Variants in CCDC73 observed in about 807,000 individuals in gnomAD.
CCDC73 encodes coiled-coil domain-containing protein 73.
Under a neutral mutation model 116.5 loss-of-function variants are expected in CCDC73, and 95 were observed. The observed-to-expected ratio is 0.82, with a 90% CI of 0.69 to 0.97. CCDC73 has a LOEUF of 0.97. CCDC73 is among the 50% of genes least tolerant of loss of function. CCDC73 has a pLI of 0.00. For missense variants in CCDC73, 1,066 were observed against 1,206.8 expected (o/e 0.88, Z 1.73); for synonymous variants, 398 against 401.3 (o/e 0.99, Z 0.10).
chr11:32,812,326 C>T, the CCDC73 span, among the ~76,000 whole-genome samples: 30 of 152,212 alleles, frequency 2.0e-4, no homozygotes, highest in Non-Finnish European at 4.0e-4. Context: ...TCGAAATCAG[C>T]CTGAGCAAAA....
chr11:32,622,537 C>T (rs1358579756), intron 14 of CCDC73, among the ~76,000 whole-genome samples: 1 of 151,704 alleles, frequency 6.6e-6, no homozygotes, highest in East Asian at 1.9e-4. Flanking sequence ...GGAGGGAGAG[C>T]ATCAGGACAA....
chr11:32,790,205 A>G (rs1389615641), intron 1 of CCDC73, among the ~76,000 whole-genome samples: 4 of 152,208 alleles, frequency 2.6e-5, no homozygotes, highest in African/African-American at 7.2e-5. Context: ...ATTCTGCTCT[A>G]TTATACCAAA....
chr11:32,768,312 G>C (rs1202354431), intron 1 of CCDC73, among the ~76,000 whole-genome samples: 1 of 152,104 alleles, frequency 6.6e-6, no homozygotes, highest in East Asian at 1.9e-4. Context: ...TCACACACCA[G>C]GGCCTGTCAT....
intron 1 of CCDC73, among the ~76,000 whole-genome samples, chr11:32,777,428 TAA>T (rs1169293252): frequency 3.9e-5 from 6 of 152,024 alleles, no homozygotes; most frequent in African/African-American, 7.2e-5. Flanking sequence ...CTTGAAGAAA[TAA>T]AAACCAGTTT....
intron 1 of CCDC73, among the ~76,000 whole-genome samples, chr11:32,781,923 C>T (rs747230808): frequency 6.6e-6 from 1 of 152,118 alleles, no homozygotes; most frequent in South Asian, 2.1e-4. Context: ...AGGAGGTGAG[C>T]GATGGCACGA....
the CCDC73 span, chr11:32,830,393 G>C: frequency 3.1e-6 from 3 of 958,618 alleles, no homozygotes; most frequent in East Asian, 3.2e-5. Flanking sequence ...ACCGCGCGCC[G>C]GGCGCTCTTG....
At chr11:32,749,304 A>G (rs993472687) in intron 2 of CCDC73, among the ~76,000 whole-genome samples, 1 of 151,936 alleles carries the variant, frequency 6.6e-6, no homozygotes, top group Non-Finnish European at 1.5e-5. Context: ...TTCTGCTATT[A>G]TGAGACTCTG....
intron 3 of CCDC73, among the ~76,000 whole-genome samples, chr11:32,709,713 A>T (rs924476960): frequency 1.3e-5 from 2 of 152,204 alleles, no homozygotes; most frequent in African/African-American, 4.8e-5. Context: ...TATTAGGATG[A>T]TACTGGCTTC....
At chr11:32,797,375 T>G (rs1267418578), upstream of CCDC73, among the ~76,000 whole-genome samples, 1 of 152,208 alleles carries the variant, frequency 6.6e-6, no homozygotes. Context: ...ATATCCTGAC[T>G]CTGCCACAAC....
At chr11:32,675,778 C>T in intron 8 of CCDC73, 108 bp downstream of exon 8, 1 of 1,204,664 alleles carries the variant, frequency 8.3e-7, no homozygotes, top group South Asian at 1.4e-5. Context: ...TTATTAACTG[C>T]CATTTACTAT....
chr11:32,823,883 G>GTTTGTTTTTGT, the CCDC73 span, among the ~76,000 whole-genome samples: 1 of 151,824 alleles, frequency 6.6e-6, no homozygotes, highest in Non-Finnish European at 1.5e-5. Context: ...TTTTTTGTTT[G>GTTTGTTTTTGT]TTTGTTTTTG....
At chr11:32,805,531 G>A in the CCDC73 span, among the ~76,000 whole-genome samples, 1 of 152,164 alleles carries the variant, frequency 6.6e-6, no homozygotes, top group East Asian at 1.9e-4. Flanking sequence ...CAAGTCAAGT[G>A]TAAGAAACTA....
the CCDC73 span, among the ~76,000 whole-genome samples, chr11:32,825,526 T>C: frequency 6.6e-6 from 1 of 152,224 alleles, no homozygotes; most frequent in South Asian, 2.1e-4. Flanking sequence ...GGTCTCGAAC[T>C]CCCGACTTCA....
At chr11:32,778,804 GA>G (rs957840162) in intron 1 of CCDC73, among the ~76,000 whole-genome samples, 2 of 146,526 alleles carry the variant, frequency 1.4e-5, no homozygotes, top group Non-Finnish European at 1.5e-5. Context: ...CCTCTCAAAA[GA>G]AAAAAAAAAT....
intron 9 of CCDC73, among the ~76,000 whole-genome samples, chr11:32,664,329 A>G (rs1310495815): frequency 6.6e-6 from 1 of 152,114 alleles, no homozygotes; most frequent in Non-Finnish European, 1.5e-5. Flanking sequence ...TTTGGTTGGT[A>G]GGCTATTAAT....
At chr11:32,672,296 T>C (rs1291360634) in intron 9 of CCDC73, among the ~76,000 whole-genome samples, 1 of 152,122 alleles carries the variant, frequency 6.6e-6, no homozygotes, top group Admixed American at 6.5e-5. Flanking sequence ...GAGCCGAGAT[T>C]GCGCCATTGC....
intron 1 of CCDC73, among the ~76,000 whole-genome samples, chr11:32,765,195 A>C (rs185900095): frequency 2.6e-5 from 4 of 152,358 alleles, no homozygotes; most frequent in Middle Eastern, 3.4e-3. Flanking sequence ...TGTCAACATT[A>C]GACAGCTCAA....
chr11:32,804,138 ACAT>A, the CCDC73 span, among the ~76,000 whole-genome samples: 1 of 149,460 alleles, frequency 6.7e-6, no homozygotes, highest in Non-Finnish European at 1.5e-5. Flanking sequence ...CAAATTGAAA[ACAT>A]CATTTCGTTT....
intron 14 of CCDC73, among the ~76,000 whole-genome samples, chr11:32,633,532 T>C (rs1162911224): frequency 2.0e-5 from 3 of 152,140 alleles, no homozygotes; most frequent in Non-Finnish European, 4.4e-5. Flanking sequence ...AGATGTATTA[T>C]AGAGAAATAA....
Sources: gnomAD v4.1 joint callset for allele counts (sites outside exome capture counted in the v4.1 genomes callset) on GRCh38, gnomAD v4.1.1 for gene constraint, MANE v1.5 for transcripts, NCBI Gene and HGNC (gene_info 2026-07-23, HGNC 2026-07-21) for gene names.